Variants in CYB5RL observed in about 807,000 individuals in gnomAD.
CYB5RL encodes the protein cytochrome b5 reductase like, also known as NADH-cytochrome b5 reductase-like.
CYB5RL carries 38 observed loss-of-function variants against 37.5 expected under a neutral mutation model. That is an observed-to-expected ratio of 1.01 (90% CI 0.78 to 1.33). CYB5RL has a LOEUF of 1.33. CYB5RL is among the 40% of genes most tolerant of loss of function. The pLI is 0.00. For synonymous variants in CYB5RL, 141 were observed against 151.9 expected, an observed-to-expected ratio of 0.93 and a Z score of 0.53; for missense variants, 388 against 394.4, an observed-to-expected ratio of 0.98 and a Z score of 0.14.
chr1:54,190,737 C>A lies in CYB5RL; in HGVS notation c.347+11G>T. 2 of 1,552,006 alleles carry A rather than the reference C, an allele frequency of 1.3e-6. No individual in the cohort carries two copies. The highest frequency in any genetic ancestry group is 8.7e-7 in the Non-Finnish European group (1 of 1,147,164). On this transcript the variant is annotated intron_variant, in intron 4 of 7. Coordinates refer to ENST00000534324, the MANE Select transcript of CYB5RL (RefSeq NM_001031672.4). ...CTGTGAAGCTTTGGTCCTCCCGCTA[C>A]CTGAGTGTACCGTAGGATGAGGTGC...
rs918966021 is a variant in CYB5RL, at chr1:54,174,565, T to C, written c.*54A>G. The stretch of plus-strand genomic sequence containing the variant: ...GTCTTCTGATTCCAGTCTGTGCTCC[T>C]TCCTGGGTCCCAGTAGCAGGCTCAT... On this transcript the variant is annotated 3_prime_UTR_variant, in exon 8 of 8. Transcript: ENST00000534324. 1.9e-6 allele frequency: 3 copies of C among 1,554,742 alleles called. No homozygotes were observed. In the African/African-American group the frequency reaches 4.1e-5, roughly 21 times the overall value.
chr1:54,184,324 G>C, intron 5 of CYB5RL, 59 bp from the exon 6 acceptor site: 2 of 1,429,500 alleles, frequency 1.4e-6, no homozygotes, highest in Non-Finnish European at 1.9e-6. Context: ...ACACAAACCA[G>C]ATTAACCATT....
At chr1:54,199,558 G>A (rs1644055507) in intron 1 of CYB5RL, among the ~76,000 whole-genome samples, 1 of 152,192 alleles carries the variant, frequency 6.6e-6, no homozygotes, top group Non-Finnish European at 1.5e-5. Context: ...TCAGCGCAGC[G>A]CCTGACACAC....
intron 5 of CYB5RL, chr1:54,186,331 A>G (rs2100470685): frequency 6.6e-6 from 1 of 152,084 alleles, no homozygotes; most frequent in Non-Finnish European, 1.5e-5. Context: ...GTTGGTTATG[A>G]GGTTGAAATG....
chr1:54,194,023 A>AATC (rs1553178038), intron 3 of CYB5RL, among the ~76,000 whole-genome samples: 1 of 147,486 alleles, frequency 6.8e-6, no homozygotes, highest in Non-Finnish European at 1.5e-5. Flanking sequence ...TAATAATAAT[A>AATC]ATAATGATAA....
chr1:54,199,448 T>C (rs1644053880), intron 1 of CYB5RL, among the ~76,000 whole-genome samples: 2 of 152,162 alleles, frequency 1.3e-5, no homozygotes, highest in Non-Finnish European at 2.9e-5. Flanking sequence ...CGCAGTTGAC[T>C]TATTTGTTCG....
At chr1:54,198,540 G>A (rs1379059866) in intron 1 of CYB5RL, among the ~76,000 whole-genome samples, 2 of 151,298 alleles carry the variant, frequency 1.3e-5, no homozygotes, top group African/African-American at 4.9e-5. Flanking sequence ...CACTGTGTTA[G>A]CCAGGATGGT....
intron 5 of CYB5RL, among the ~76,000 whole-genome samples, chr1:54,186,439 G>C (rs1021543691): frequency 6.6e-6 from 1 of 152,198 alleles, no homozygotes; most frequent in Non-Finnish European, 1.5e-5. Flanking sequence ...AGGGTCAAAC[G>C]ATAAGCCCTG....
At position 54,195,610 on chromosome 1, in the gene CYB5RL, C is replaced by T; in HGVS notation, c.7G>A (p.Ala3Thr). MM[A>T]EREEDDDTEE... is the part of the protein sequence containing the mutation. ...GTGTCGTCGTCCTCTTCCCTCTCAG[C>T]CATCATCAGTGGGGCTTGGGCAGCC... The change falls in exon 3 of 8, where the codon GCT (alanine) becomes ACT (threonine). Residue 3 changes from alanine to threonine, a missense_variant. By Grantham distance (58) the Ala-to-Thr change is moderately conservative (BLOSUM62 0). Transcript: ENST00000534324. 1 of 1,608,308 alleles carries T rather than the reference C, an allele frequency of 6.2e-7. No homozygotes were observed. Among genetic ancestry groups the T allele is most frequent in the Non-Finnish European group, 8.5e-7 (1 of 1,176,260 alleles).
intron 4 of CYB5RL, among the ~76,000 whole-genome samples, chr1:54,188,567 C>T (rs1184779388): frequency 6.6e-6 from 1 of 152,190 alleles, no homozygotes; most frequent in East Asian, 1.9e-4. Flanking sequence ...CCATGAGTCA[C>T]AGTAATAGCC....
chr1:54,199,146 G>A (rs1644049591), intron 1 of CYB5RL, among the ~76,000 whole-genome samples: 1 of 152,162 alleles, frequency 6.6e-6, no homozygotes, highest in South Asian at 2.1e-4. Flanking sequence ...GGTTTTAAAG[G>A]TCACCTCCCT....
In CYB5RL at chr1:54,199,979, C is replaced by A. The variant is rs1644061690; in HGVS notation, c.-226G>T. On this transcript the variant is annotated 5_prime_UTR_variant, in exon 1 of 8. Transcript: ENST00000534324. ...TCCACCCACCACGACCACTCACCTA[C>A]TCGCCTGCGCTTCACCTCACGTGAG... The A allele has an allele frequency of 4.0e-6, 2 of 505,724 alleles. No homozygotes were observed. The highest frequency in any genetic ancestry group is 5.8e-5 in the South Asian group (2 of 34,196). The allele number at this position is 505,724 out of a possible 1,614,324, so 31.3% of individuals were successfully genotyped here.
At chr1:54,188,029 T>A in intron 4 of CYB5RL, 2 of 425,756 alleles carry the variant, frequency 4.7e-6, no homozygotes, top group South Asian at 6.0e-5. Context: ...TGAGCTGAGA[T>A]CATGCTACTG....
intron 5 of CYB5RL, among the ~76,000 whole-genome samples, chr1:54,187,244 G>A (rs1052476156): frequency 2.6e-5 from 4 of 152,094 alleles, no homozygotes; most frequent in Admixed American, 2.6e-4. Context: ...CTGGCTCTCA[G>A]GCTGGGTATA....
chr1:54,184,125 AG>A, intron 6 of CYB5RL, 35 bp downstream of exon 6: 1 of 1,578,208 alleles, frequency 6.3e-7, no homozygotes, highest in Non-Finnish European at 8.7e-7. Context: ...CACAGTCAAC[AG>A]GGATCTCCTG....
intron 4 of CYB5RL, among the ~76,000 whole-genome samples, chr1:54,189,638 G>C (rs561729111): frequency 2.7e-4 from 41 of 152,336 alleles, no homozygotes; most frequent in African/African-American, 8.9e-4. Context: ...CGCAGGGACA[G>C]AGAGGGTGAA....
rs566471498 is a variant in CYB5RL, at chr1:54,188,449, C to A, written c.348-710G>T. On this transcript the variant is annotated intron_variant, in intron 4 of 7. Transcript: ENST00000534324. Reference sequence around the variant, plus strand: ...AACATTTATTAAACACTTACTAGCACCTGACAGAAGCATTAGGACTGGAAG... The same window carrying A: ...AACATTTATTAAACACTTACTAGCAACTGACAGAAGCATTAGGACTGGAAG... Among the ~76,000 whole-genome samples the A allele has an allele frequency of 1.4e-4, 21 of 152,290 alleles. No homozygotes were observed. In the South Asian group the frequency reaches 4.4e-3, roughly 32 times the overall value.
intron 6 of CYB5RL, 47 bp downstream of exon 6, chr1:54,184,114 C>T (rs1278265263): frequency 6.5e-7 from 1 of 1,546,682 alleles, no homozygotes; most frequent in Middle Eastern, 1.7e-4. Context: ...AACATGAAAA[C>T]CACAGTCAAC....
intron 3 of CYB5RL, among the ~76,000 whole-genome samples, chr1:54,191,956 C>T (rs1643958255): frequency 6.6e-6 from 1 of 152,148 alleles, no homozygotes; most frequent in Non-Finnish European, 1.5e-5. Flanking sequence ...CTCTGGGTCT[C>T]AGTTTCCTAG....
Sources: gnomAD v4.1 joint callset for allele counts (sites outside exome capture counted in the v4.1 genomes callset) on GRCh38, gnomAD v4.1.1 for gene constraint, MANE v1.5 for transcripts, NCBI Gene and HGNC (gene_info 2026-07-23, HGNC 2026-07-21) for gene names.